Variants in TTN observed in about 807,000 individuals in gnomAD.
The protein encoded by TTN is titin.
TTN carries 1,525 observed loss-of-function variants against 3,223.0 expected under a neutral mutation model. The ratio of observed to expected loss-of-function variants is 0.47; its 90% CI spans 0.45 to 0.49. The LOEUF is 0.49. Among genes scored for constraint, TTN ranks in the 20% least tolerant of loss-of-function variants. The pLI is 0.00. For missense variants in TTN, 40,786 were observed against 43,424.0 expected (o/e 0.94, Z 5.40); for synonymous variants, 14,094 against 15,161.0 (o/e 0.93, Z 5.17).
rs1328335673 is a variant in TTN at position 178,632,923 on chromosome 2, A to T, written c.43208T>A (p.Val14403Glu). 1 of 1,612,682 alleles carries T rather than the reference A, an allele frequency of 6.2e-7. No individual in the cohort carries two copies. The highest frequency in any genetic ancestry group is 8.5e-7 in the Non-Finnish European group (1 of 1,179,288). The change falls in exon 234 of 363, where the codon GTG (valine) becomes GAG (glutamate). Residue 14403 changes from valine to glutamate, a missense_variant. Physicochemically the swap from Val to Glu is moderately radical, Grantham distance 121. Transcript: ENST00000589042. The part of the protein sequence containing the change: ...ANAKSAANLK[V>E]KELPLIFITP... The stretch of plus-strand genomic sequence containing the variant: ...GGCTGACAAGTAGAGCATACCTTTC[A>T]CTTTCAGATTGGCTGCAGATTTGGC...
chr2:178,648,121 T>A (rs1560070906), intron 213 of TTN, among the ~76,000 whole-genome samples: 1 of 152,156 alleles, frequency 6.6e-6, no homozygotes, highest in Admixed American at 6.6e-5. Context: ...CCAGTTATCT[T>A]TCTAAAGCCC....
rs755522463 is a variant in TTN at position 178,537,568 on chromosome 2, T to G, written c.99639A>C (p.Thr33213=). 6.2e-7 allele frequency: 1 copy of G among 1,613,816 alleles called. No individual in the cohort carries two copies. Among genetic ancestry groups the G allele is most frequent in the Non-Finnish European group, 8.5e-7 (1 of 1,179,782 alleles). The part of the protein sequence containing the change: ...KEKYYGAVGS[T]LRLHVMYIGR... ...CAATGTACATAACATGAAGCCGAAG[T>G]GTGGAACCCACAGCTCCATAATATT... The change falls in exon 355 of 363, where the codon ACA becomes ACC. Residue 33213 remains threonine, a synonymous_variant. Transcript: ENST00000589042.
chr2:178,712,676 T>C (rs1480395904), intron 94 of TTN, 21 bp downstream of exon 94: 1 of 1,609,434 alleles, frequency 6.2e-7, no homozygotes, highest in South Asian at 1.1e-5. Flanking sequence ...CGTATAAATC[T>C]AGAAGAGCAG....
chr2:178,531,894 G>T lies in TTN; in HGVS notation c.104721C>A (p.Ile34907=), dbSNP rs763807626. 2.5e-6 allele frequency: 4 copies of T among 1,612,510 alleles called. No homozygotes were observed. The Admixed American group carries it at 6.7e-5, about 27-fold the overall frequency. ...CTTTCATGGACTCATACCTGGAAAA[G>T]ATATCAAATCTTGCAGACCTCTCAA... ...SRFERSARFD[I]FSRYESMKAA... The change falls in exon 358 of 363, where the codon ATC becomes ATA. Residue 34907 remains isoleucine (I), a synonymous_variant. Transcript: ENST00000589042.
At position 178,728,950 on chromosome 2, in the gene TTN, G is replaced by C; in HGVS notation, c.19088C>G (p.Thr6363Ser). ...SVDNGHSGRY[T>S]CQAKNESGVE... ...TCCTGACTCATTCTTGGCTTGACAG[G>C]TATATCTCCCACTGTGTCCATTATC... The change falls in exon 65 of 363, where the codon ACC becomes AGC. Residue 6363 changes from threonine to serine, a missense_variant. Coordinates refer to ENST00000589042, the MANE Select transcript of TTN (RefSeq NM_001267550.2). The C allele has an allele frequency of 6.2e-7, 1 of 1,612,704 alleles. No homozygotes were observed.
At chr2:178,674,669 C>T (rs1274172833) in intron 150 of TTN, among the ~76,000 whole-genome samples, 1 of 150,944 alleles carries the variant, frequency 6.6e-6, no homozygotes, top group Admixed American at 6.6e-5. Flanking sequence ...AGTCAAACAG[C>T]CACTTGGGGT....
chr2:178,778,986 C>T lies in TTN; in HGVS notation c.4096G>A (p.Ala1366Thr), dbSNP rs2092516827. Residue 1366 changes from alanine to threonine, a missense_variant, in exon 24 of 363, where the codon GCC becomes ACC. Ala to Thr is a moderately conservative substitution (Grantham distance 58). Transcript: ENST00000589042. ...ATTGCATTTCCTTTAATATTGCTGG[C>T]AAATGCAGTGTAGATTCCTTCATCT... is the stretch of plus-strand genomic sequence containing the variant. Reference protein sequence around the residue: ...PEDEGIYTAFASNIKGNAICS... With the variant: ...PEDEGIYTAFTSNIKGNAICS... 1 of 1,613,872 alleles carries T rather than the reference C, an allele frequency of 6.2e-7. No homozygotes were observed. Among genetic ancestry groups the T allele is most frequent in the Non-Finnish European group, 8.5e-7 (1 of 1,179,950 alleles).
At chr2:178,764,912 G>A in intron 41 of TTN, 101 bp from the exon 42 acceptor site, 1 of 1,405,358 alleles carries the variant, frequency 7.1e-7, no homozygotes, top group Non-Finnish European at 9.7e-7. Context: ...TATACATCCA[G>A]AGACAAAATT....
chr2:178,623,953 A>G (rs904970029), intron 242 of TTN, among the ~76,000 whole-genome samples: 1 of 151,960 alleles, frequency 6.6e-6, no homozygotes, highest in African/African-American at 2.4e-5. Flanking sequence ...TCTTATTCTC[A>G]GAGATTGAAT....
In TTN at chr2:178,710,403, C is replaced by T. The variant is rs373947223; in HGVS notation, c.28462+232G>A. The stretch of plus-strand genomic sequence containing the variant: ...CAGAGGTTGCAGTGAACTGAGATCA[C>T]GCCACTGTACTCCAGCCTGTGCGAC... On this transcript the variant is annotated intron_variant, in intron 98 of 362. Transcript: ENST00000589042. Among the ~76,000 whole-genome samples, 8 of 152,256 alleles carry T rather than the reference C, an allele frequency of 5.3e-5. No homozygotes were observed. In the East Asian group the frequency reaches 1.5e-3, roughly 29 times the overall value.
Position 178,671,168 on chromosome 2 carries a change from G to C in TTN, c.35230C>G (p.Pro11744Ala), listed in dbSNP as rs1297702339. Residue 11744 changes from proline (P) to alanine (A), a missense_variant and splice_region_variant, in exon 156 of 363, where the codon CCT becomes GCT. Pro to Ala is a conservative substitution (Grantham distance 27, BLOSUM62 -1). Transcript: ENST00000589042. Reference sequence around the variant, plus strand: ...GGGATGATTTTCTCAGATATCTCAGGCCCTTCAAAGATATTAGTATTTTGG... The same window carrying C: ...GGGATGATTTTCTCAGATATCTCAGCCCCTTCAAAGATATTAGTATTTTGG... ...FEKPKAPPKG[P>A]EISEKIIPPK... is the part of the protein sequence containing the mutation. 1 of 1,594,480 alleles carries C rather than the reference G, an allele frequency of 6.3e-7. No individual in the cohort carries two copies. Among genetic ancestry groups the C allele is most frequent in the African/African-American group, 1.4e-5 (1 of 73,476 alleles).
Position 178,636,125 on chromosome 2 carries a change from C to T in TTN, c.41446G>A (p.Gly13816Ser), listed in dbSNP as rs1422135009. The T allele has an allele frequency of 2.5e-6, 4 of 1,613,082 alleles. No individual in the cohort carries two copies. In the East Asian group the frequency reaches 6.7e-5, roughly 27 times the overall value. Residue 13816 changes from glycine (G) to serine (S), a missense_variant, in exon 226 of 363, where the codon GGC becomes AGC. By Grantham distance (56) the Gly-to-Ser change is moderately conservative. Coordinates refer to ENST00000589042, the MANE Select transcript of TTN (RefSeq NM_001267550.2). The surrounding 1 kb of genome is among the most constrained non-coding windows in gnomAD (Gnocchi z 4.3). ...KERDVVWRKD[G>S]KIVVEKPGRI... ...CCAGGTTTCTCCACCACAATCTTGC[C>T]ATCCTTCCTCCAGACCACGTCACGC... is the stretch of plus-strand genomic sequence containing the variant.
rs1489431059 is a variant in TTN at position 178,701,570 on chromosome 2, C to A, written c.30556G>T (p.Val10186Phe). Reference sequence around the variant, plus strand: ...CTGATAGGCATGGTTGGGATTGGAACTCTGGAGTCAGGAATATCTGGAAAG... The same window carrying A: ...CTGATAGGCATGGTTGGGATTGGAAATCTGGAGTCAGGAATATCTGGAAAG... ...LKPPDIPDSRVPIPTMPIRAV... is the reference protein window; with the variant it reads ...LKPPDIPDSRFPIPTMPIRAV... Residue 10186 changes from valine to phenylalanine, a missense_variant, in exon 110 of 363, where the codon GTT becomes TTT. Physicochemically the swap from Val to Phe is conservative, Grantham distance 50 (BLOSUM62 -1). Transcript: ENST00000589042. The A allele has an allele frequency of 1.2e-6, 2 of 1,613,520 alleles. No homozygotes were observed. The highest frequency in any genetic ancestry group is 2.7e-5 in the African/African-American group (2 of 74,866).
At chr2:178,761,029 A>G (rs2089042512) in intron 43 of TTN, 3 of 152,248 alleles carry the variant, frequency 2.0e-5, no homozygotes, top group Admixed American at 2.0e-4. Flanking sequence ...GTTAACAGGT[A>G]AAACTTTTCT....
intron 103 of TTN, 81 bp from the exon 104 acceptor site, chr2:178,705,047 T>C: frequency 7.0e-6 from 11 of 1,568,274 alleles, no homozygotes; most frequent in Non-Finnish European, 9.6e-6. Flanking sequence ...CAGCTTCCAT[T>C]CTGGATGCTG....
chr2:178,778,337 C>A, intron 24 of TTN: 2 of 286,716 alleles, frequency 7.0e-6, no homozygotes, highest in Non-Finnish European at 1.3e-5. Flanking sequence ...ATAAGTAAAC[C>A]AATGAATACA....
At chr2:178,643,856 C>T (rs1301342642) in intron 218 of TTN, among the ~76,000 whole-genome samples, 1 of 151,894 alleles carries the variant, frequency 6.6e-6, no homozygotes, top group Admixed American at 6.6e-5. Flanking sequence ...ATTACTTGAA[C>T]AGAACACTAC....
In TTN at chr2:178,651,876, C is replaced by G; in HGVS notation, c.39379+8G>C. 1 of 1,605,042 alleles carries G rather than the reference C, an allele frequency of 6.2e-7. No homozygotes were observed. Among genetic ancestry groups the G allele is most frequent in the East Asian group, 2.3e-5 (1 of 44,424 alleles). ...CCGAGGTGTCCTAGCAGCTTTCTTG[C>G]CATGTACCTTGTGGAGGCGCCGCTG... On this transcript the variant is annotated splice_region_variant and intron_variant, in intron 205 of 362. Transcript: ENST00000589042.
At position 178,645,650 on chromosome 2, in the gene TTN, A is replaced by G. The variant is rs568734355; in HGVS notation, c.40408+270T>C. ...AGAAAACTCTTTCTCCCCACTCCAC[A>G]AAAGAAAGTTAATTGGACAGTGCCT... On this transcript the variant is annotated intron_variant, in intron 217 of 362. Coordinates refer to ENST00000589042, the MANE Select transcript of TTN (RefSeq NM_001267550.2). 9.6e-4 allele frequency: 239 copies of G among 250,142 alleles called. 1 individual carries two copies. Among genetic ancestry groups the G allele is most frequent in the African/African-American group, 4.9e-3 (221 of 44,676 alleles). 15.5% of individuals were successfully genotyped at this position (250,142 alleles called of 1,614,324 possible).
Sources: gnomAD v4.1 joint callset for allele counts (sites outside exome capture counted in the v4.1 genomes callset) on GRCh38, gnomAD v4.1.1 for gene constraint, Gnocchi (gnomAD v3.1) non-coding constraint, MANE v1.5 for transcripts, NCBI Gene and HGNC (gene_info 2026-07-23, HGNC 2026-07-21) for gene names.